The following CDH13 variants were observed in gnomAD, a reference collection of about 807,000 sequenced individuals.
The protein encoded by CDH13 is cadherin-13.
A neutral mutation model predicts 63.8 loss-of-function variants in CDH13; 24 were observed. The observed-to-expected ratio is 0.38, with a 90% CI of 0.27 to 0.53. The LOEUF (loss-of-function observed/expected upper bound fraction) is 0.53, where lower values mean the gene tolerates loss of function less well. Ranked by LOEUF, CDH13 falls within the 20% of genes least tolerant of loss-of-function variation. The pLI, the probability that CDH13 is intolerant of heterozygous loss-of-function variation, is 0.85. For missense variants in CDH13, 1,049 were observed against 903.1 expected (o/e 1.16, Z -2.07); for synonymous variants, 503 against 355.3 (o/e 1.42, Z -4.67).
rs558507297 is a variant in CDH13, at chr16:82,886,532, T to G, written c.157+28059T>G. On this transcript the variant is annotated intron_variant, in intron 2 of 13. Transcript: ENST00000567109. ...TTTGACCATATTCATTTCTGTTTCTTAAAATTATCAACTTAGAATATTTGT... is the reference window on the plus strand; with the variant it reads ...TTTGACCATATTCATTTCTGTTTCTGAAAATTATCAACTTAGAATATTTGT... Among the ~76,000 whole-genome samples, 3 of 150,424 alleles carry G rather than the reference T, an allele frequency of 2.0e-5. No individual in the cohort carries two copies. The Admixed American group carries it at 2.0e-4, about 10-fold the overall frequency.
chr16:83,748,096 G>A lies in CDH13; in HGVS notation c.1539-12G>A. On this transcript the variant is annotated splice_polypyrimidine_tract_variant and intron_variant, in intron 10 of 13. Coordinates refer to ENST00000567109, the MANE Select transcript of CDH13 (RefSeq NM_001257.5). ...TGAATGCAGAGTCTGACATTGTGGG[G>A]ATTTTTTTCAGGTATTCTGTTTACA... 1 of 1,613,870 alleles carries A rather than the reference G, an allele frequency of 6.2e-7. No individual in the cohort carries two copies. Among genetic ancestry groups the A allele is most frequent in the Non-Finnish European group, 8.5e-7 (1 of 1,179,808 alleles).
intron 3 of CDH13, among the ~76,000 whole-genome samples, chr16:83,094,361 C>G (rs12716960): frequency 0.47 from 71,118 of 151,930 alleles, 16,895 homozygotes; most frequent in Middle Eastern, 0.6. Context: ...ATTATTTTCA[C>G]GCCTGAAAGA....
chr16:83,260,080 T>G (rs1247715178), intron 5 of CDH13, among the ~76,000 whole-genome samples: 5 of 135,340 alleles, frequency 3.7e-5, no homozygotes, highest in Non-Finnish European at 3.2e-5. Context: ...TTTTTTTTTG[T>G]AACCATGTAC....
chr16:83,400,818 G>C (rs777065072), intron 6 of CDH13, among the ~76,000 whole-genome samples: 4 of 152,122 alleles, frequency 2.6e-5, no homozygotes, highest in Non-Finnish European at 5.9e-5. Context: ...CACGTACCTG[G>C]CCTTGAAATG....
intron 5 of CDH13, among the ~76,000 whole-genome samples, chr16:83,227,319 T>C (rs889721): frequency 1 from 151,557 of 152,282 alleles, 75,421 homozygotes; most frequent in Non-Finnish European, 1. Flanking sequence ...CCCGCAGTGG[T>C]CCTGATAAGG....
At chr16:83,228,706 G>T (rs561341625) in intron 5 of CDH13, among the ~76,000 whole-genome samples, 2 of 152,184 alleles carry the variant, frequency 1.3e-5, no homozygotes, top group African/African-American at 4.8e-5. Context: ...TAGAGCAGAC[G>T]AGGGTGGGGC....
intron 4 of CDH13, among the ~76,000 whole-genome samples, chr16:83,137,677 T>A (rs2036352757): frequency 6.6e-6 from 1 of 152,150 alleles, no homozygotes; most frequent in Non-Finnish European, 1.5e-5. Context: ...ACTGCCCGTT[T>A]TTCTCAGTGA....
rs575073144 is a variant in CDH13, at chr16:83,784,631, CA to C, written c.2134+1176del. Among the ~76,000 whole-genome samples the C allele has an allele frequency of 8.6e-3, 867 of 101,166 alleles. 1 individual carries two copies. The highest frequency in any genetic ancestry group is 0.013 in the African/African-American group (374 of 27,892). The allele number at this position is 101,166 out of a possible 152,430, so 66.4% of individuals were successfully genotyped here. A position where few individuals can be genotyped will look rare whatever the true frequency, so the allele number is the denominator to read the frequency against. On this transcript the variant is annotated intron_variant, in intron 13 of 13. Transcript: ENST00000567109. ...TGGGTGACAGAGCAAGGCTCTGTCT[CA>C]AAAAAAAAAAAAAAAAGGAAACAAG...
intron 6 of CDH13, chr16:83,398,195 G>A (rs956710376): frequency 2.9e-5 from 4 of 139,222 alleles, no homozygotes; most frequent in African/African-American, 7.9e-5. Flanking sequence ...ACAAATCACT[G>A]TAATGTTGAT....
At position 83,185,364 on chromosome 16, in the gene CDH13, C is replaced by A. The variant is rs537960819; in HGVS notation, c.484-31981C>A. ...ACCTACTGCACCTTGTAATTTCTGG[C>A]AACTAATAATTTCTCAGTAAGTTTC... On this transcript the variant is annotated intron_variant, in intron 4 of 13. Coordinates refer to ENST00000567109, the MANE Select transcript of CDH13 (RefSeq NM_001257.5). Among the ~76,000 whole-genome samples the A allele has an allele frequency of 2.6e-5, 4 of 152,192 alleles. 1 individual carries two copies. In the East Asian group the frequency reaches 7.7e-4, roughly 29 times the overall value.
At chr16:83,479,296 C>T (rs1015853914) in intron 6 of CDH13, among the ~76,000 whole-genome samples, 5 of 152,130 alleles carry the variant, frequency 3.3e-5, no homozygotes, top group Non-Finnish European at 7.3e-5. Context: ...AAGCTATTTC[C>T]CTCGTCATGA....
At chr16:83,458,217 T>C (rs8061706) in intron 6 of CDH13, among the ~76,000 whole-genome samples, 146,926 of 152,306 alleles carry the variant, frequency 0.96, 71,087 homozygotes, top group East Asian at 1. Flanking sequence ...AGATCTGCTG[T>C]TTCTCCTGTA....
At chr16:83,379,650 A>G (rs2091520207) in intron 6 of CDH13, among the ~76,000 whole-genome samples, 1 of 152,092 alleles carries the variant, frequency 6.6e-6, no homozygotes, top group Non-Finnish European at 1.5e-5. Flanking sequence ...TTTATCAGTT[A>G]CACAACAACA....
At chr16:82,932,285 C>A (rs770124277) in intron 2 of CDH13, among the ~76,000 whole-genome samples, 1 of 152,126 alleles carries the variant, frequency 6.6e-6, no homozygotes, top group Non-Finnish European at 1.5e-5. Context: ...TCAAATGTAG[C>A]TGGGCACCTT....
In CDH13 at chr16:83,418,378, G is replaced by T. The variant is rs375814422; in HGVS notation, c.782-68099G>T. Reference sequence around the variant, plus strand: ...TAGAAAATTATAATACCCATAGGAAGCATGAGATTTTTTTTCCAAATTAAG... The same window carrying T: ...TAGAAAATTATAATACCCATAGGAATCATGAGATTTTTTTTCCAAATTAAG... On this transcript the variant is annotated intron_variant, in intron 6 of 13. Coordinates refer to ENST00000567109, the MANE Select transcript of CDH13 (RefSeq NM_001257.5). 1.1e-4 allele frequency among the ~76,000 whole-genome samples: 16 copies of T among 152,218 alleles called. No individual in the cohort carries two copies. In the East Asian group the frequency reaches 3.1e-3, roughly 29 times the overall value.
chr16:82,711,082 T>C (rs752498613), intron 1 of CDH13, among the ~76,000 whole-genome samples: 15 of 152,202 alleles, frequency 9.9e-5, no homozygotes, highest in Non-Finnish European at 1.5e-4. Flanking sequence ...GACCGCATTA[T>C]GTCTGAATAC....
chr16:82,700,610 A>G (rs2030866290), intron 1 of CDH13, among the ~76,000 whole-genome samples: 1 of 152,078 alleles, frequency 6.6e-6, no homozygotes, highest in South Asian at 2.1e-4. Flanking sequence ...TTTGGGTTAA[A>G]CTTAATCATT....
At chr16:82,791,182 A>G (rs1461300855) in intron 1 of CDH13, among the ~76,000 whole-genome samples, 1 of 148,748 alleles carries the variant, frequency 6.7e-6, no homozygotes, top group Non-Finnish European at 1.5e-5. Context: ...GCTTGCCGTG[A>G]GCAGAGATCA....
At chr16:82,926,346 C>G (rs1473794485) in intron 2 of CDH13, among the ~76,000 whole-genome samples, 2 of 151,846 alleles carry the variant, frequency 1.3e-5, no homozygotes, top group East Asian at 3.9e-4. Flanking sequence ...TTGCATGAGG[C>G]TTTTAAAGGT....
Sources: allele counts gnomAD v4.1 joint callset (sites outside exome capture counted in the v4.1 genomes callset), GRCh38; gene constraint gnomAD v4.1.1; transcripts MANE v1.5; gene names NCBI Gene and HGNC (gene_info 2026-07-23, HGNC 2026-07-21).